The following YTHDF3 variants were observed in gnomAD, a reference collection of about 807,000 sequenced individuals.
YTHDF3 encodes the protein YTH domain-containing family protein 3.
A neutral mutation model predicts 52.5 loss-of-function variants in YTHDF3; 9 were observed. The ratio of observed to expected loss-of-function variants is 0.17; its 90% CI spans 0.10 to 0.30. YTHDF3 has a LOEUF of 0.30. YTHDF3 is among the 10% of genes least tolerant of loss of function. YTHDF3 has a pLI of 1.00. For missense variants in YTHDF3, 534 were observed against 715.0 expected (o/e 0.75, Z 2.89); for synonymous variants, 274 against 243.3 (o/e 1.13, Z -1.18).
At chr8:63,205,838 A>C (rs1164679816) in intron 4 of YTHDF3, among the ~76,000 whole-genome samples, 1 of 152,144 alleles carries the variant, frequency 6.6e-6, no homozygotes, top group Non-Finnish European at 1.5e-5. Flanking sequence ...GGCACAGTCC[A>C]CCTTGCTGAT....
In YTHDF3 at chr8:63,187,028, G is replaced by T; in HGVS notation, c.1017G>T (p.Gln339His). 2 of 1,613,544 alleles carry T rather than the reference G, an allele frequency of 1.2e-6. No individual in the cohort carries two copies. The highest frequency in any genetic ancestry group is 1.7e-6 in the Non-Finnish European group (2 of 1,179,694). ...QQQQGPQPQA[Q>H]PHQVQPQQQQ... ...AACAAGGACCTCAGCCACAGGCCCAGCCTCACCAAGTGCAGCCTCAACAGC... is the reference window on the plus strand; with the variant it reads ...AACAAGGACCTCAGCCACAGGCCCATCCTCACCAAGTGCAGCCTCAACAGC... Residue 339 changes from glutamine (Q) to histidine (H), a missense_variant, in exon 4 of 5, where the codon CAG (glutamine) becomes CAT (histidine). Gln to His is a conservative substitution (Grantham distance 24). Around this residue, in one of 3 missense-constraint regions of YTHDF3, gnomAD observed 203 missense variants for 201.3 expected, o/e 1.01. Transcript: ENST00000539294.
rs1036355030 is a variant in YTHDF3 at position 63,212,161 on chromosome 8, C to T, written c.*2455C>T. 6.6e-6 allele frequency: 1 copy of T among 152,528 alleles called. No homozygotes were observed. Among genetic ancestry groups the T allele is most frequent in the Non-Finnish European group, 1.5e-5 (1 of 67,988 alleles). 9.4% of individuals were successfully genotyped at this position (152,528 alleles called of 1,614,324 possible). A position where few individuals can be genotyped will look rare whatever the true frequency, so the allele number is the denominator to read the frequency against. On this transcript the variant is annotated 3_prime_UTR_variant, in exon 5 of 5. Coordinates refer to ENST00000539294, the MANE Select transcript of YTHDF3 (RefSeq NM_152758.6). ...TGCTTAATGTTTTTCCAAGTTCTGG[C>T]TTGAATATTTCTTATTAAAGCTATC...
intron 4 of YTHDF3, among the ~76,000 whole-genome samples, chr8:63,199,677 A>G (rs907089271): frequency 6.6e-5 from 10 of 152,224 alleles, no homozygotes; most frequent in African/African-American, 2.4e-4. Flanking sequence ...TTTTTCATGA[A>G]TGAAGAGCTG....
intron 2 of YTHDF3, among the ~76,000 whole-genome samples, chr8:63,173,206 A>ATATATATG (rs1807451991): frequency 6.9e-6 from 1 of 145,390 alleles, no homozygotes; most frequent in Non-Finnish European, 1.5e-5. Flanking sequence ...TTATATTTAT[A>ATATATATG]TATATATACA....
chr8:63,189,535 A>G (rs1383063089), intron 4 of YTHDF3, among the ~76,000 whole-genome samples: 1 of 152,242 alleles, frequency 6.6e-6, no homozygotes, highest in Non-Finnish European at 1.5e-5. Context: ...ACTTAACTCT[A>G]TGTAAAATCA....
intron 4 of YTHDF3, among the ~76,000 whole-genome samples, chr8:63,204,536 T>G (rs564759536): frequency 6.6e-6 from 1 of 152,238 alleles, no homozygotes; most frequent in Admixed American, 6.5e-5. Context: ...TAATTTTGTA[T>G]TATTTAGTAG....
intron 4 of YTHDF3, among the ~76,000 whole-genome samples, chr8:63,191,537 C>T (rs1352051887): frequency 6.6e-6 from 1 of 152,116 alleles, no homozygotes; most frequent in Non-Finnish European, 1.5e-5. Context: ...GCACAAAAGA[C>T]TGTGTTTAAA....
chr8:63,178,388 A>G (rs1807844160), intron 3 of YTHDF3, among the ~76,000 whole-genome samples: 1 of 152,172 alleles, frequency 6.6e-6, no homozygotes, highest in Non-Finnish European at 1.5e-5. Flanking sequence ...AAAAAAAAAT[A>G]GTTTTAAAAA....
intron 4 of YTHDF3, among the ~76,000 whole-genome samples, chr8:63,205,215 A>G (rs1444856072): frequency 4.6e-5 from 7 of 152,170 alleles, no homozygotes; most frequent in Admixed American, 4.6e-4. Flanking sequence ...GAATCTGTCT[A>G]AAGCGTCTTT....
At chr8:63,182,828 A>G (rs900507412) in intron 3 of YTHDF3, among the ~76,000 whole-genome samples, 2 of 152,194 alleles carry the variant, frequency 1.3e-5, no homozygotes, top group Non-Finnish European at 1.5e-5. Flanking sequence ...TTCTTTTAGA[A>G]TGAGTATCTT....
At chr8:63,189,672 C>A (rs1808789609) in intron 4 of YTHDF3, among the ~76,000 whole-genome samples, 1 of 152,160 alleles carries the variant, frequency 6.6e-6, no homozygotes, top group South Asian at 2.1e-4. Context: ...GTTTCCAAAC[C>A]TTAAGTCACA....
At chr8:63,208,109 T>C (rs1810152737) in intron 4 of YTHDF3, among the ~76,000 whole-genome samples, 1 of 152,224 alleles carries the variant, frequency 6.6e-6, no homozygotes, top group Non-Finnish European at 1.5e-5. Context: ...AGCTCTGTTT[T>C]TGTTATTTTA....
intron 1 of YTHDF3, chr8:63,169,172 A>C (rs1807102551): frequency 1.4e-6 from 2 of 1,401,586 alleles, no homozygotes; most frequent in Non-Finnish European, 1.9e-6. Flanking sequence ...TGGGGCGGAG[A>C]CCGGGCGAGC....
intron 3 of YTHDF3, among the ~76,000 whole-genome samples, chr8:63,184,026 A>T (rs1808335683): frequency 6.6e-6 from 1 of 152,202 alleles, no homozygotes; most frequent in Non-Finnish European, 1.5e-5. Context: ...TTGTTTAGGG[A>T]ATAATGACAA....
intron 4 of YTHDF3, among the ~76,000 whole-genome samples, chr8:63,196,821 T>G (rs1468028016): frequency 6.6e-6 from 1 of 152,078 alleles, no homozygotes; most frequent in East Asian, 1.9e-4. Flanking sequence ...AAGTGTAGAC[T>G]TAAAAGAGCT....
chr8:63,199,123 CAT>C lies in YTHDF3; in HGVS notation c.1735-10557_1735-10556del, dbSNP rs546728546. Among the ~76,000 whole-genome samples the C allele has an allele frequency of 1.6e-4, 24 of 152,208 alleles. No homozygotes were observed. The East Asian group carries it at 2.7e-3, about 17-fold the overall frequency. ...ATTGGAAAGGGGGTGCTTCAATTAA[CAT>C]ATTGATTTGTTTTTATTTTTTCTCA... On this transcript the variant is annotated intron_variant, in intron 4 of 4. Transcript: ENST00000539294.
intron 3 of YTHDF3, among the ~76,000 whole-genome samples, chr8:63,182,955 C>CTTT (rs11381385): frequency 1.3e-4 from 19 of 143,616 alleles, no homozygotes; most frequent in East Asian, 2.0e-4. Flanking sequence ...ACAGTTTTAT[C>CTTT]TTTTTTTTTT....
intron 2 of YTHDF3, among the ~76,000 whole-genome samples, chr8:63,173,922 G>A (rs1234098968): frequency 6.6e-6 from 1 of 152,114 alleles, no homozygotes; most frequent in Non-Finnish European, 1.5e-5. Context: ...GGGGCAGTGT[G>A]GTGTAGTAAG....
intron 2 of YTHDF3, among the ~76,000 whole-genome samples, chr8:63,174,849 C>T (rs780909518): frequency 3.0e-4 from 45 of 152,166 alleles, no homozygotes; most frequent in Non-Finnish European, 5.3e-4. Flanking sequence ...ACATTTAAGA[C>T]ATTTACTATA....
Sources: allele counts gnomAD v4.1 joint callset (sites outside exome capture counted in the v4.1 genomes callset), GRCh38; gene constraint gnomAD v4.1.1; regional missense constraint gnomAD v4.1.1; transcripts MANE v1.5; gene names NCBI Gene and HGNC (gene_info 2026-07-23, HGNC 2026-07-21).